Variants in DZANK1 observed in about 807,000 individuals in gnomAD.
The protein encoded by DZANK1 is double zinc ribbon and ankyrin repeat domains 1.
DZANK1 carries 91 observed loss-of-function variants against 94.5 expected under a neutral mutation model. The observed-to-expected ratio is 0.96, with a 90% CI of 0.81 to 1.15. The LOEUF (loss-of-function observed/expected upper bound fraction) is 1.15. DZANK1 is among the 50% of genes most tolerant of loss of function. DZANK1 has a pLI of 0.00. For synonymous variants in DZANK1, 312 were observed against 325.3 expected (o/e 0.96, Z 0.44); for missense variants, 903 against 916.4 (o/e 0.99, Z 0.19).
At chr20:18,457,708 C>G (rs1355094752) in intron 3 of DZANK1, among the ~76,000 whole-genome samples, 2 of 152,216 alleles carry the variant, frequency 1.3e-5, no homozygotes, top group Non-Finnish European at 2.9e-5. Flanking sequence ...CCCACCCTTT[C>G]TCTTTAAAGG....
chr20:18,398,282 T>G, intron 14 of DZANK1: 17 of 493,940 alleles, frequency 3.4e-5, no homozygotes, highest in East Asian at 6.6e-5. Context: ...CATCTGAGCA[T>G]GAGATGTTCA....
intron 6 of DZANK1, 94 bp downstream of exon 6, chr20:18,452,520 CA>C: frequency 7.1e-7 from 1 of 1,401,810 alleles, no homozygotes; most frequent in South Asian, 1.5e-5. Flanking sequence ...GGCACATGGT[CA>C]AAAGTGGGGG....
intron 4 of DZANK1, 47 bp from the exon 5 acceptor site, chr20:18,453,874 GAGA>G: frequency 1.8e-6 from 2 of 1,136,478 alleles, no homozygotes; most frequent in Non-Finnish European, 2.7e-6. Context: ...ATTCCCATGT[GAGA>G]ATTAAAGCTG....
At chr20:18,385,625 C>T (rs932911264) in intron 19 of DZANK1, among the ~76,000 whole-genome samples, 3 of 152,064 alleles carry the variant, frequency 2.0e-5, no homozygotes, top group Non-Finnish European at 4.4e-5. Flanking sequence ...ACTGTGTTAG[C>T]CAGGATGGTA....
chr20:18,460,078 AG>A lies in DZANK1; in HGVS notation c.263+74del. 7 of 1,123,508 alleles carry A rather than the reference AG, an allele frequency of 6.2e-6. No homozygotes were observed. The South Asian group carries it at 1.9e-4, about 30-fold the overall frequency. The allele number at this position is 1,123,508 out of a possible 1,614,324, so 69.6% of individuals were successfully genotyped here. ...CTTCTAATGCAGCACTGATTCTGAT[AG>A]GAAAAAATGAATAAAATTAGAACAT... On this transcript the variant is annotated intron_variant, in intron 3 of 20. Coordinates refer to ENST00000262547, the Ensembl canonical transcript of DZANK1.
In DZANK1 at chr20:18,414,461, G is replaced by T. The variant is rs149741633; in HGVS notation, c.1129C>A (p.His377Asn). ...GAGCCACAGAATCGGGCAGACAGGTGATTGCTGGCCCCACATTTAGGGCAA... is the reference window on the plus strand; with the variant it reads ...GAGCCACAGAATCGGGCAGACAGGTTATTGCTGGCCCCACATTTAGGGCAA... The change falls in exon 12 of 21, where the codon CAC becomes AAC. Residue 377 changes from histidine (H) to asparagine (N), a missense_variant. Transcript: ENST00000262547. The T allele has an allele frequency of 9.8e-4, 1,574 of 1,613,636 alleles. 28 individuals are homozygous for T. The South Asian group carries it at 0.016, about 17-fold the overall frequency.
At chr20:18,390,428 C>T (rs1393798067) in exon 18 of DZANK1, 2 of 1,613,938 alleles carry the variant, frequency 1.2e-6, no homozygotes, top group Non-Finnish European at 1.7e-6. Context: ...CCCCGTGGGT[C>T]CGACTTCCTT....
chr20:18,448,635 G>A (rs988047258), intron 7 of DZANK1, among the ~76,000 whole-genome samples: 272 of 152,238 alleles, frequency 1.8e-3, no homozygotes, highest in African/African-American at 6.1e-3. Context: ...TTGGGAGACC[G>A]AGGTGGGCAG....
chr20:18,424,326 G>A (rs1256921387), intron 10 of DZANK1, among the ~76,000 whole-genome samples: 1 of 152,046 alleles, frequency 6.6e-6, no homozygotes, highest in Non-Finnish European at 1.5e-5. Flanking sequence ...ATGGTGGCAG[G>A]CACCTGTAGT....
In DZANK1 at chr20:18,398,644, C is replaced by A. The variant is rs1467646662; in HGVS notation, c.1433-18G>T. The A allele has an allele frequency of 1.9e-6, 3 of 1,605,722 alleles. No homozygotes were observed. The highest frequency in any genetic ancestry group is 2.7e-5 in the African/African-American group (2 of 74,714). On this transcript the variant is annotated intron_variant, in intron 13 of 20. Transcript: ENST00000262547. ...CCAGTACCCTAAGAAAGAAGAGAAA[C>A]CCCGCCATCTGGATGATTCTCCTGA...
chr20:18,437,688 T>C (rs4814749), intron 8 of DZANK1, among the ~76,000 whole-genome samples: 126,062 of 152,162 alleles, frequency 0.83, 52,754 homozygotes, highest in South Asian at 0.96. Flanking sequence ...GACTGTGATA[T>C]ACCCCATCTT....
At chr20:18,452,954 C>T (rs983120680) in intron 5 of DZANK1, among the ~76,000 whole-genome samples, 5 of 152,130 alleles carry the variant, frequency 3.3e-5, no homozygotes, top group South Asian at 2.1e-4. Context: ...TCATCTTCCC[C>T]GCTGCATTCT....
chr20:18,400,163 G>A (rs930035031), intron 13 of DZANK1, among the ~76,000 whole-genome samples: 1 of 152,220 alleles, frequency 6.6e-6, no homozygotes, highest in Non-Finnish European at 1.5e-5. Flanking sequence ...GGGTTCCCCT[G>A]AAAGCAGAAC....
At chr20:18,453,321 G>A (rs2059170720) in intron 5 of DZANK1, among the ~76,000 whole-genome samples, 1 of 151,964 alleles carries the variant, frequency 6.6e-6, no homozygotes, top group African/African-American at 2.4e-5. Flanking sequence ...CAGAACCCTG[G>A]GTCCCCTTCC....
At chr20:18,447,689 G>GATGGAAAT (rs2058930143) in intron 7 of DZANK1, among the ~76,000 whole-genome samples, 1 of 152,082 alleles carries the variant, frequency 6.6e-6, no homozygotes, top group Non-Finnish European at 1.5e-5. Context: ...AAGATGCATG[G>GATGGAAAT]ATGGAAATAA....
rs190740843 is a variant in DZANK1 at position 18,402,286 on chromosome 20, G to A, written c.1433-3660C>T. Among the ~76,000 whole-genome samples the A allele has an allele frequency of 1.1e-3, 168 of 152,272 alleles. 2 individuals carry two copies. Among genetic ancestry groups the A allele is most frequent in the African/African-American group, 3.7e-3 (154 of 41,546 alleles). Reference sequence around the variant, plus strand: ...TGGCTGCAGCTGGTGCCAGGGGACAGCGGTCTCCCAATAGATAGAAGACAC... The same window carrying A: ...TGGCTGCAGCTGGTGCCAGGGGACAACGGTCTCCCAATAGATAGAAGACAC... On this transcript the variant is annotated intron_variant, in intron 13 of 20. Coordinates refer to ENST00000262547, the Ensembl canonical transcript of DZANK1.
chr20:18,462,403 T>G (rs2059501478), intron 2 of DZANK1, among the ~76,000 whole-genome samples: 2 of 152,146 alleles, frequency 1.3e-5, no homozygotes, highest in Admixed American at 1.3e-4. Context: ...AGAAGAAATA[T>G]TTTCATATGT....
At chr20:18,446,198 T>C (rs1361242075) in intron 7 of DZANK1, among the ~76,000 whole-genome samples, 3 of 152,066 alleles carry the variant, frequency 2.0e-5, no homozygotes, top group Non-Finnish European at 4.4e-5. Flanking sequence ...TGAGCTATGA[T>C]TGGGCCTCTG....
intron 10 of DZANK1, among the ~76,000 whole-genome samples, chr20:18,426,452 C>A (rs2058048560): frequency 6.6e-6 from 1 of 152,208 alleles, no homozygotes; most frequent in Non-Finnish European, 1.5e-5. Flanking sequence ...CAATCGGAAA[C>A]ATGCACAGCA....
Sources: gnomAD v4.1 joint callset for allele counts (sites outside exome capture counted in the v4.1 genomes callset) on GRCh38, gnomAD v4.1.1 for gene constraint, MANE v1.5 for transcripts, NCBI Gene and HGNC (gene_info 2026-07-23, HGNC 2026-07-21) for gene names.